Variants in DISC1 observed in about 807,000 individuals in gnomAD.
DISC1 encodes DISC1 scaffold protein, also known as disrupted in schizophrenia 1 protein.
DISC1 carries 57 observed loss-of-function variants against 84.5 expected under a neutral mutation model. The observed-to-expected ratio is 0.67, with a 90% CI of 0.55 to 0.84. The LOEUF (loss-of-function observed/expected upper bound fraction) is 0.84, where lower values mean the gene tolerates loss of function less well. Among genes scored for constraint, DISC1 ranks in the 40% least tolerant of loss-of-function variants. DISC1 has a pLI of 0.00. For synonymous variants in DISC1, 411 were observed against 415.2 expected (o/e 0.99, Z 0.12); for missense variants, 1,000 against 1,057.8 (o/e 0.95, Z 0.76).
intron 9 of DISC1, among the ~76,000 whole-genome samples, chr1:231,838,280 C>A (rs1324580736): frequency 2.2e-5 from 3 of 136,570 alleles, no homozygotes; most frequent in African/African-American, 8.7e-5. Flanking sequence ...GAACTGTGTT[C>A]CGGTTGCTTA....
intron 1 of DISC1, among the ~76,000 whole-genome samples, chr1:231,683,608 A>G (rs772640262): frequency 1.3e-5 from 2 of 150,606 alleles, no homozygotes; most frequent in Non-Finnish European, 3.0e-5. Context: ...CCCCTCTGTG[A>G]CCAACCCCTC....
intron 1 of DISC1, among the ~76,000 whole-genome samples, chr1:231,652,485 A>C (rs2060714493): frequency 6.6e-6 from 1 of 152,192 alleles, no homozygotes; most frequent in Non-Finnish European, 1.5e-5. Flanking sequence ...TGGAGGAAAA[A>C]TAACACATTT....
chr1:231,960,888 C>A (rs1377941201), intron 10 of DISC1, among the ~76,000 whole-genome samples: 1 of 152,248 alleles, frequency 6.6e-6, no homozygotes, highest in Non-Finnish European at 1.5e-5. Flanking sequence ...AATTGGGATT[C>A]CCATGATCCC....
chr1:232,009,004 T>C lies in DISC1; in HGVS notation c.2262T>C (p.Thr754=). 1 of 1,613,866 alleles carries C rather than the reference T, an allele frequency of 6.2e-7. No individual in the cohort carries two copies. The highest frequency in any genetic ancestry group is 8.5e-7 in the Non-Finnish European group (1 of 1,179,836). ...TGAAGGTATTGGAAGAATGGAAGAC[T>C]CACCTCATCCCCTCTCTGCACTGTG... is the stretch of plus-strand genomic sequence containing the variant. ...TPLKVLEEWK[T]HLIPSLHCAG... is the part of the protein sequence containing the mutation. Residue 754 remains threonine (T), a synonymous_variant, in exon 11 of 13, where the codon ACT becomes ACC. Transcript: ENST00000439617. This position sits in a 1 kb window ranked among gnomAD's most constrained non-coding sequence, Gnocchi z 4.6.
intron 1 of DISC1, among the ~76,000 whole-genome samples, chr1:231,643,761 G>C (rs980394): frequency 6.6e-6 from 1 of 152,004 alleles, no homozygotes; most frequent in African/African-American, 2.4e-5. Flanking sequence ...TGTAAGATGA[G>C]AGATAAAAGG....
intron 9 of DISC1, among the ~76,000 whole-genome samples, chr1:231,917,818 T>TA (rs2126071530): frequency 1.3e-5 from 2 of 152,344 alleles, no homozygotes; most frequent in South Asian, 4.1e-4. Flanking sequence ...TTAGGGTAAA[T>TA]AGTACGTCTA....
intron 12 of DISC1, among the ~76,000 whole-genome samples, chr1:232,030,661 G>A (rs1157601408): frequency 2.0e-5 from 3 of 152,218 alleles, no homozygotes; most frequent in Admixed American, 6.5e-5. Context: ...CCCTTGTTTA[G>A]TTCAACTTTC....
chr1:231,859,236 T>C (rs2084477969), intron 9 of DISC1, among the ~76,000 whole-genome samples: 1 of 152,244 alleles, frequency 6.6e-6, no homozygotes, highest in Admixed American at 6.5e-5. Context: ...TCCACCCTGC[T>C]CTATTTCTTT....
At chr1:231,699,837 T>A (rs1235054292) in intron 2 of DISC1, among the ~76,000 whole-genome samples, 5 of 152,252 alleles carry the variant, frequency 3.3e-5, no homozygotes, top group African/African-American at 1.2e-4. Flanking sequence ...ATTACCTGTG[T>A]GACCTCATTC....
chr1:231,955,933 T>C (rs1659424769), intron 9 of DISC1, among the ~76,000 whole-genome samples: 1 of 152,208 alleles, frequency 6.6e-6, no homozygotes, highest in African/African-American at 2.4e-5. Flanking sequence ...TAGAATATGA[T>C]ACTACAAAGT....
At chr1:231,770,117 A>G (rs1207998798) in intron 5 of DISC1, among the ~76,000 whole-genome samples, 1 of 152,120 alleles carries the variant, frequency 6.6e-6, no homozygotes, top group African/African-American at 2.4e-5. Context: ...TATGTTAATT[A>G]AGAGTCTTAT....
At chr1:231,757,486 C>T (rs2075259452) in intron 4 of DISC1, among the ~76,000 whole-genome samples, 1 of 152,132 alleles carries the variant, frequency 6.6e-6, no homozygotes, top group Non-Finnish European at 1.5e-5. Flanking sequence ...CTGTTTAATC[C>T]TCTGAACTCG....
intron 11 of DISC1, among the ~76,000 whole-genome samples, chr1:232,021,440 G>T (rs182234530): frequency 5.3e-5 from 8 of 152,176 alleles, no homozygotes; most frequent in Admixed American, 4.6e-4. Context: ...AGGGATCTGG[G>T]ATTACTGACC....
intron 6 of DISC1, among the ~76,000 whole-genome samples, chr1:231,772,336 G>A (rs530200683): frequency 1.3e-5 from 2 of 152,306 alleles, no homozygotes; most frequent in East Asian, 3.9e-4. Context: ...AAAAAAGTGA[G>A]TGGCACCCGA....
intron 9 of DISC1, 73 bp from the exon 10 acceptor site, chr1:231,958,755 C>G: frequency 1.4e-6 from 2 of 1,469,098 alleles, no homozygotes. Context: ...TGGCTTTGAG[C>G]TTTTAGTTGA....
At chr1:231,767,669 G>A (rs542529196) in intron 5 of DISC1, among the ~76,000 whole-genome samples, 13 of 152,222 alleles carry the variant, frequency 8.5e-5, no homozygotes, top group Non-Finnish European at 1.8e-4. Context: ...AGCAATTAGA[G>A]CCTTGGCTGT....
At chr1:231,682,854 T>C (rs1202012097) in intron 1 of DISC1, among the ~76,000 whole-genome samples, 8 of 152,224 alleles carry the variant, frequency 5.3e-5, no homozygotes. Context: ...CCTTTTCCTG[T>C]TCCCCGATCC....
intron 4 of DISC1, among the ~76,000 whole-genome samples, chr1:231,766,344 G>C (rs901677241): frequency 6.7e-6 from 1 of 148,338 alleles, no homozygotes; most frequent in Admixed American, 6.8e-5. Flanking sequence ...TGAAAATTCT[G>C]CCAGGAGCTC....
intron 9 of DISC1, among the ~76,000 whole-genome samples, chr1:231,914,907 T>C (rs10864702): frequency 0.18 from 27,357 of 152,232 alleles, 3,382 homozygotes; most frequent in East Asian, 0.7. Flanking sequence ...TATACTGTCC[T>C]GTACCAGTCA....
Sources: gnomAD v4.1 joint callset for allele counts (sites outside exome capture counted in the v4.1 genomes callset) on GRCh38, gnomAD v4.1.1 for gene constraint, Gnocchi (gnomAD v3.1) non-coding constraint, MANE v1.5 for transcripts, NCBI Gene and HGNC (gene_info 2026-07-23, HGNC 2026-07-21) for gene names.